COG5: variants seen among roughly 807,000 people sequenced by gnomAD.
COG5 encodes component of oligomeric golgi complex 5, also known as conserved oligomeric Golgi complex subunit 5.
Under a neutral mutation model 110.4 loss-of-function variants are expected in COG5, and 86 were observed. That is an observed-to-expected ratio of 0.78 (90% CI 0.65 to 0.93). COG5 has a LOEUF of 0.93. Among genes scored for constraint, COG5 ranks in the 40% least tolerant of loss-of-function variants. The pLI is 0.00. For synonymous variants in COG5, 360 were observed against 334.6 expected (o/e 1.08, Z -0.83); for missense variants, 1,077 against 987.0 (o/e 1.09, Z -1.22).
intron 13 of COG5, 93 bp from the exon 14 acceptor site, chr7:107,281,492 T>C: frequency 1.1e-6 from 1 of 909,174 alleles, no homozygotes; most frequent in Non-Finnish European, 1.8e-6. Context: ...ATAAGCAATG[T>C]GGTTATTCTT....
At chr7:107,282,593 C>A (rs774243846) in intron 13 of COG5, among the ~76,000 whole-genome samples, 13 of 152,192 alleles carry the variant, frequency 8.5e-5, no homozygotes, top group Non-Finnish European at 1.3e-4. Flanking sequence ...GTGATGTCGG[C>A]TCACTGCAGC....
intron 6 of COG5, among the ~76,000 whole-genome samples, chr7:107,509,240 C>A (rs371548788): frequency 6.6e-6 from 1 of 152,020 alleles, no homozygotes; most frequent in African/African-American, 2.4e-5. Context: ...TCAAGAACTA[C>A]GTGAAGAATG....
chr7:107,368,370 G>C (rs1309224563), intron 8 of COG5, among the ~76,000 whole-genome samples: 1 of 151,946 alleles, frequency 6.6e-6, no homozygotes, highest in Non-Finnish European at 1.5e-5. Context: ...TCACACATAT[G>C]AATGATAAAA....
chr7:107,269,263 C>T (rs1374818023), intron 14 of COG5, among the ~76,000 whole-genome samples: 1 of 152,048 alleles, frequency 6.6e-6, no homozygotes, highest in Admixed American at 6.6e-5. Flanking sequence ...ATCACGAGGT[C>T]ACAAGATTGA....
intron 11 of COG5, among the ~76,000 whole-genome samples, chr7:107,315,036 A>C (rs1269069577): frequency 6.6e-6 from 1 of 152,184 alleles, no homozygotes; most frequent in Non-Finnish European, 1.5e-5. Context: ...AAGGATCAAA[A>C]TTCTAAAAAG....
At chr7:107,403,425 C>T (rs1450525723) in intron 7 of COG5, among the ~76,000 whole-genome samples, 3 of 150,452 alleles carry the variant, frequency 2.0e-5, no homozygotes, top group Non-Finnish European at 4.4e-5. Context: ...TTCTGGGATA[C>T]ATGTGTAGAA....
intron 11 of COG5, among the ~76,000 whole-genome samples, chr7:107,311,110 A>G (rs1270821163): frequency 6.6e-6 from 1 of 152,204 alleles, no homozygotes; most frequent in African/African-American, 2.4e-5. Flanking sequence ...TTGCCAGTGC[A>G]TCTATGCGAT....
chr7:107,359,091 C>A lies in COG5; in HGVS notation c.1026+2942G>T, dbSNP rs535726104. ...CCACTTCTGAGTTGGAGGGGTGGGA[C>A]CCTGCCCTCATGGCTACAGCTGCAG... On this transcript the variant is annotated intron_variant, in intron 10 of 21. Coordinates refer to ENST00000297135, the MANE Select transcript of COG5 (RefSeq NM_006348.5). Among the ~76,000 whole-genome samples the A allele has an allele frequency of 4.5e-3, 691 of 152,234 alleles. 1 individual carries two copies. The highest frequency in any genetic ancestry group is 7.5e-3 in the Non-Finnish European group (513 of 68,000).
intron 6 of COG5, among the ~76,000 whole-genome samples, chr7:107,435,124 A>C (rs10224503): frequency 0.23 from 34,940 of 152,086 alleles, 4,050 homozygotes; most frequent in East Asian, 0.33. Flanking sequence ...AGAAACAGAA[A>C]GTAGAATGGT....
chr7:107,474,852 A>C lies in COG5; in HGVS notation c.538+52385T>G. Reference sequence around the variant, plus strand: ...AGAAAAAGACAATTTCTCTAACCACACAACATGAGGCTACAGACATGTCAC... The same window carrying C: ...AGAAAAAGACAATTTCTCTAACCACCCAACATGAGGCTACAGACATGTCAC... On this transcript the variant is annotated intron_variant, in intron 6 of 21. Transcript: ENST00000297135. This position sits in a 1 kb window ranked among gnomAD's most constrained non-coding sequence, Gnocchi z 5.7. The C allele has an allele frequency of 6.2e-7, 1 of 1,613,234 alleles. No individual in the cohort carries two copies.
At chr7:107,512,945 T>C (rs908121438) in intron 6 of COG5, among the ~76,000 whole-genome samples, 4 of 152,082 alleles carry the variant, frequency 2.6e-5, no homozygotes, top group Non-Finnish European at 5.9e-5. Context: ...ATAAAAACCC[T>C]AGAAGAAAAC....
intron 21 of COG5, chr7:107,208,030 A>C (rs1435279772): frequency 3.0e-6 from 3 of 985,456 alleles, no homozygotes; most frequent in Non-Finnish European, 3.6e-6. Context: ...GTTTGTCTAC[A>C]GGGGAAAGAA....
chr7:107,277,125 A>G (rs565006598), intron 14 of COG5, among the ~76,000 whole-genome samples: 1 of 152,356 alleles, frequency 6.6e-6, no homozygotes, highest in East Asian at 1.9e-4. Flanking sequence ...TAAATAAAAT[A>G]TATTATGCAC....
intron 6 of COG5, among the ~76,000 whole-genome samples, chr7:107,493,925 T>C (rs1193034733): frequency 6.6e-6 from 1 of 152,118 alleles, no homozygotes. Flanking sequence ...AATTGTTAAA[T>C]AGCTAGAAAA....
intron 10 of COG5, among the ~76,000 whole-genome samples, chr7:107,342,202 T>C (rs1315297389): frequency 6.6e-6 from 1 of 151,764 alleles, no homozygotes; most frequent in East Asian, 1.9e-4. Flanking sequence ...CATTAAAAAG[T>C]GGACAAAAGA....
At chr7:107,492,180 T>C (rs1798013769) in intron 6 of COG5, among the ~76,000 whole-genome samples, 1 of 150,384 alleles carries the variant, frequency 6.6e-6, no homozygotes, top group Admixed American at 6.6e-5. Context: ...TGTGTGTGTG[T>C]GTGTGTGTGT....
At chr7:107,261,023 G>C (rs1584587483) in intron 14 of COG5, among the ~76,000 whole-genome samples, 1 of 151,512 alleles carries the variant, frequency 6.6e-6, no homozygotes, top group South Asian at 2.1e-4. Context: ...TTCCAGGACC[G>C]TAACACCCAC....
At chr7:107,227,922 C>A (rs945856279) in intron 19 of COG5, among the ~76,000 whole-genome samples, 7 of 152,058 alleles carry the variant, frequency 4.6e-5, no homozygotes, top group African/African-American at 1.7e-4. Context: ...GTTGGCCAGG[C>A]TGAATTAGCA....
intron 7 of COG5, among the ~76,000 whole-genome samples, chr7:107,377,600 T>A (rs1232711760): frequency 6.6e-6 from 1 of 152,220 alleles, no homozygotes; most frequent in Non-Finnish European, 1.5e-5. Flanking sequence ...GAGCCAGACC[T>A]AGATCAGCAT....
Sources: gnomAD v4.1 joint callset for allele counts (sites outside exome capture counted in the v4.1 genomes callset) on GRCh38, gnomAD v4.1.1 for gene constraint, Gnocchi (gnomAD v3.1) non-coding constraint, MANE v1.5 for transcripts, NCBI Gene and HGNC (gene_info 2026-07-23, HGNC 2026-07-21) for gene names.